Variants in GSE1 observed in about 807,000 individuals in gnomAD.
The protein encoded by GSE1 is Gse1 coiled-coil protein, also known as genetic suppressor element 1.
GSE1 carries 32 observed loss-of-function variants against 112.6 expected under a neutral mutation model. That is an observed-to-expected ratio of 0.28 (90% CI 0.21 to 0.38). The LOEUF (loss-of-function observed/expected upper bound fraction) is 0.38, where lower values mean the gene tolerates loss of function less well. Among genes scored for constraint, GSE1 ranks in the 10% least tolerant of loss-of-function variants. The pLI, the probability that GSE1 is intolerant of heterozygous loss-of-function variation, is 1.00. For synonymous variants in GSE1, 1,115 were observed against 735.6 expected, an observed-to-expected ratio of 1.52 and a Z score of -8.35; for missense variants, 2,348 against 1,699.2, an observed-to-expected ratio of 1.38 and a Z score of -6.71.
At chr16:85,454,459 G>C (rs79559089) in intron 2 of GSE1, among the ~76,000 whole-genome samples, 375 of 152,354 alleles carry the variant, frequency 2.5e-3, no homozygotes, top group Admixed American at 3.6e-3. Flanking sequence ...TGAGCCCACA[G>C]TGCCCTTTTG....
At chr16:85,463,185 C>G in intron 2 of GSE1, 1 of 865,420 alleles carries the variant, frequency 1.2e-6, no homozygotes, top group Non-Finnish European at 1.4e-6. Context: ...ATGGAACTTT[C>G]TGGGGCGCGC....
intron 1 of GSE1, among the ~76,000 whole-genome samples, chr16:85,592,115 G>A (rs1157148188): frequency 6.6e-6 from 1 of 152,004 alleles, no homozygotes; most frequent in Non-Finnish European, 1.5e-5. Flanking sequence ...GAGCTTTTCT[G>A]TGCAGATTTT....
chr16:85,304,032 A>G (rs935494892), intron 1 of GSE1, among the ~76,000 whole-genome samples: 1 of 152,210 alleles, frequency 6.6e-6, no homozygotes, highest in African/African-American at 2.4e-5. Context: ...AGGCCCAGAT[A>G]AGAGGAGACA....
chr16:85,417,058 G>A (rs1410987733), intron 2 of GSE1, among the ~76,000 whole-genome samples: 1 of 152,188 alleles, frequency 6.6e-6, no homozygotes, highest in Non-Finnish European at 1.5e-5. Flanking sequence ...GTCTCACCAT[G>A]TTGCCCAGGC....
At chr16:85,235,432 G>C (rs1354220499) in intron 1 of GSE1, among the ~76,000 whole-genome samples, 86 of 86,900 alleles carry the variant, frequency 9.9e-4, no homozygotes, top group South Asian at 8.7e-3. Context: ...AGGGTACTGT[G>C]TGTGTGTGTG....
chr16:85,641,359 G>C (rs2050433133), intron 2 of GSE1, among the ~76,000 whole-genome samples: 1 of 152,190 alleles, frequency 6.6e-6, no homozygotes, highest in African/African-American at 2.4e-5. Context: ...CCCGCTGTCA[G>C]TTTGGGTTTG....
chr16:85,503,318 G>T (rs895597546), intron 2 of GSE1, among the ~76,000 whole-genome samples: 1 of 152,216 alleles, frequency 6.6e-6, no homozygotes. Flanking sequence ...GCCCCCAGGA[G>T]GGAAGGGTGT....
chr16:85,238,308 G>T (rs1904870464), intron 1 of GSE1, among the ~76,000 whole-genome samples: 1 of 152,218 alleles, frequency 6.6e-6, no homozygotes. Context: ...CTCCCTCAGT[G>T]CCTGTTTGTT....
intron 1 of GSE1, among the ~76,000 whole-genome samples, chr16:85,346,669 A>G (rs2046747645): frequency 6.7e-6 from 1 of 148,582 alleles, no homozygotes; most frequent in South Asian, 2.2e-4. Flanking sequence ...TGGATGATGG[A>G]TGGATGATGG....
intron 1 of GSE1, among the ~76,000 whole-genome samples, chr16:85,291,032 C>A (rs1164788084): frequency 6.6e-6 from 1 of 152,252 alleles, no homozygotes; most frequent in Non-Finnish European, 1.5e-5. Context: ...ACGAGAACAG[C>A]AAAGCCTGAT....
chr16:85,290,573 G>A (rs961341042), intron 1 of GSE1, among the ~76,000 whole-genome samples: 9 of 152,140 alleles, frequency 5.9e-5, no homozygotes, highest in Admixed American at 3.9e-4. Flanking sequence ...GACCAAGGAC[G>A]CAGACCAAAA....
At chr16:85,521,107 TC>T (rs2151153464) in intron 2 of GSE1, among the ~76,000 whole-genome samples, 1 of 152,290 alleles carries the variant, frequency 6.6e-6, no homozygotes, top group South Asian at 2.1e-4. Context: ...CACCCTGACC[TC>T]CGGGCTGCAC....
intron 1 of GSE1, among the ~76,000 whole-genome samples, chr16:85,282,674 A>G (rs1400904310): frequency 1.3e-5 from 2 of 152,200 alleles, no homozygotes; most frequent in Non-Finnish European, 2.9e-5. Flanking sequence ...GAGGATTTTT[A>G]TGAATTATGA....
chr16:85,614,871 C>T (rs1435358006), intron 1 of GSE1, among the ~76,000 whole-genome samples: 3 of 152,138 alleles, frequency 2.0e-5, no homozygotes, highest in African/African-American at 7.2e-5. Context: ...TTGTAAAAGG[C>T]GCCTGAACAA....
chr16:85,308,230 A>G (rs1189743138), intron 1 of GSE1, among the ~76,000 whole-genome samples: 1 of 152,138 alleles, frequency 6.6e-6, no homozygotes, highest in African/African-American at 2.4e-5. Context: ...TCTGAAGACC[A>G]CCTAGCTGGA....
chr16:85,663,703 A>AG, intron 11 of GSE1, 89 bp downstream of exon 11: 1 of 1,315,090 alleles, frequency 7.6e-7, no homozygotes, highest in Admixed American at 2.1e-5. Flanking sequence ...GACTCCAGGC[A>AG]GGATCTGCGA....
intron 1 of GSE1, among the ~76,000 whole-genome samples, chr16:85,306,637 C>A (rs1183590588): frequency 6.6e-6 from 1 of 152,162 alleles, no homozygotes; most frequent in Non-Finnish European, 1.5e-5. Flanking sequence ...CAGCCTCATC[C>A]TCCTGGGTTC....
At chr16:85,252,543 T>G (rs779831469) in intron 1 of GSE1, among the ~76,000 whole-genome samples, 4 of 152,238 alleles carry the variant, frequency 2.6e-5, no homozygotes, top group African/African-American at 9.6e-5. Flanking sequence ...GAACCCAGTT[T>G]GAGAAGCTCA....
intron 1 of GSE1, among the ~76,000 whole-genome samples, chr16:85,194,356 C>T (rs1187956614): frequency 1.3e-5 from 2 of 152,136 alleles, no homozygotes; most frequent in African/African-American, 2.4e-5. Flanking sequence ...CTTAACGTCA[C>T]CCAGGAGGTC....
Sources: allele counts gnomAD v4.1 joint callset (sites outside exome capture counted in the v4.1 genomes callset), GRCh38; gene constraint gnomAD v4.1.1; transcripts MANE v1.5; gene names NCBI Gene and HGNC (gene_info 2026-07-23, HGNC 2026-07-21).